C19orf47: variants seen among roughly 807,000 people sequenced by gnomAD.
C19orf47 encodes the protein chromosome 19 open reading frame 47, also known as uncharacterized protein C19orf47.
Under a neutral mutation model 32.3 loss-of-function variants are expected in C19orf47, and 18 were observed. The ratio of observed to expected loss-of-function variants is 0.56; its 90% CI spans 0.39 to 0.83. The LOEUF (loss-of-function observed/expected upper bound fraction) is 0.83, where lower values mean the gene tolerates loss of function less well. C19orf47 is among the 40% of genes least tolerant of loss of function. C19orf47 has a pLI of 0.00. For synonymous variants in C19orf47, 202 were observed against 211.1 expected (o/e 0.96, Z 0.37); for missense variants, 484 against 531.6 (o/e 0.91, Z 0.88).
intron 1 of C19orf47, chr19:40,343,742 T>G (rs774339882): frequency 7.9e-5 from 12 of 151,322 alleles, no homozygotes; most frequent in Non-Finnish European, 1.3e-4. Context: ...CATATGAGAC[T>G]CTCTTCTCTA....
chr19:40,327,133 C>T (rs536812039), intron 6 of C19orf47, among the ~76,000 whole-genome samples: 74 of 151,786 alleles, frequency 4.9e-4, no homozygotes, highest in Non-Finnish European at 8.5e-4. Flanking sequence ...CCTGCCTCAG[C>T]CTCCCAAGTA....
downstream of C19orf47, among the ~76,000 whole-genome samples, chr19:40,316,291 T>C (rs2077661408): frequency 6.6e-6 from 1 of 152,204 alleles, no homozygotes; most frequent in Non-Finnish European, 1.5e-5. Context: ...TAGTATCCAC[T>C]GATGTGGGCT....
At chr19:40,309,751 G>A in the C19orf47 span, among the ~76,000 whole-genome samples, 2 of 150,788 alleles carry the variant, frequency 1.3e-5, no homozygotes, top group South Asian at 4.2e-4. Context: ...TTTCCAATAA[G>A]GACACTAAAT....
the C19orf47 span, among the ~76,000 whole-genome samples, chr19:40,300,702 C>A: frequency 6.6e-6 from 1 of 152,138 alleles, no homozygotes; most frequent in African/African-American, 2.4e-5. Context: ...TCTCTAAAAG[C>A]ATTTGCAATC....
At chr19:40,347,091 G>A (rs60390254) in intron 1 of C19orf47, among the ~76,000 whole-genome samples, 1 of 152,160 alleles carries the variant, frequency 6.6e-6, no homozygotes, top group Admixed American at 6.5e-5. Flanking sequence ...GTTCTGAACA[G>A]TATCCCTATT....
intron 5 of C19orf47, among the ~76,000 whole-genome samples, chr19:40,330,092 C>T (rs950984877): frequency 1.3e-5 from 2 of 152,208 alleles, no homozygotes; most frequent in African/African-American, 4.8e-5. Context: ...TCCTGACAGA[C>T]ACATCATTCA....
At chr19:40,346,701 T>C (rs1471066338) in intron 1 of C19orf47, among the ~76,000 whole-genome samples, 2 of 151,460 alleles carry the variant, frequency 1.3e-5, no homozygotes, top group Non-Finnish European at 2.9e-5. Flanking sequence ...TAATTTTCTG[T>C]AGTTTTAGTA....
intron 5 of C19orf47, among the ~76,000 whole-genome samples, chr19:40,332,980 G>A (rs959845189): frequency 6.6e-6 from 1 of 151,954 alleles, no homozygotes; most frequent in African/African-American, 2.4e-5. Flanking sequence ...CCCCCTGGAC[G>A]GGAGCAGTGG....
At chr19:40,340,181 A>T (rs1166544855) in intron 2 of C19orf47, among the ~76,000 whole-genome samples, 1 of 151,958 alleles carries the variant, frequency 6.6e-6, no homozygotes, top group East Asian at 1.9e-4. Context: ...TATAATGTAC[A>T]TGCAAAAAAG....
rs781460839 is a variant in C19orf47 at position 40,322,275 on chromosome 19, G to C, written c.765C>G (p.Ala255=). ...CCCGTCCTAGCTTCTTCAGGACCCC[G>C]GCATACTGCAAGACAGAGCTGCTGC... The part of the protein sequence containing the change: ...NDSSSSVLQY[A]GVLKKLGRGP... The change falls in exon 9 of 9, where the codon GCC becomes GCG. Residue 255 remains alanine, a synonymous_variant. Transcript: ENST00000683109. 5.6e-6 allele frequency: 9 copies of C among 1,608,866 alleles called. No individual in the cohort carries two copies. Among genetic ancestry groups the C allele is most frequent in the Non-Finnish European group, 7.6e-6 (9 of 1,179,948 alleles).
chr19:40,341,580 T>C (rs945629692), intron 2 of C19orf47, among the ~76,000 whole-genome samples: 1 of 152,200 alleles, frequency 6.6e-6, no homozygotes, highest in Non-Finnish European at 1.5e-5. Flanking sequence ...ACCAAGGCTC[T>C]GTGAGGCCAC....
At chr19:40,332,378 C>T (rs1395477515) in intron 5 of C19orf47, 1 of 151,320 alleles carries the variant, frequency 6.6e-6, no homozygotes, top group Admixed American at 6.6e-5. Context: ...AGGTCAGGTG[C>T]AGTGGTGGCT....
the C19orf47 span, among the ~76,000 whole-genome samples, chr19:40,297,839 A>AT: frequency 1.4e-5 from 2 of 142,512 alleles, no homozygotes; most frequent in Non-Finnish European, 3.1e-5. Context: ...GTGCCACTGC[A>AT]TTCCAGGCCG....
chr19:40,324,430 A>C, intron 7 of C19orf47: 1 of 306,304 alleles, frequency 3.3e-6, no homozygotes, highest in East Asian at 5.7e-5. Flanking sequence ...TCCTCCCCTA[A>C]ATTATAACCT....
At chr19:40,302,663 A>G in the C19orf47 span, among the ~76,000 whole-genome samples, 2 of 152,200 alleles carry the variant, frequency 1.3e-5, no homozygotes, top group Non-Finnish European at 2.9e-5. Context: ...ATGTTTCAGA[A>G]GAAAACTATA....
the C19orf47 span, among the ~76,000 whole-genome samples, chr19:40,304,968 C>T: frequency 6.6e-6 from 1 of 152,094 alleles, no homozygotes; most frequent in African/African-American, 2.4e-5. Flanking sequence ...GTGGCTCATG[C>T]CTGTCATCCC....
the C19orf47 span, among the ~76,000 whole-genome samples, chr19:40,312,573 T>G: frequency 6.6e-6 from 1 of 151,238 alleles, no homozygotes; most frequent in African/African-American, 2.4e-5. Flanking sequence ...GCCATACAGT[T>G]TCCTCTGGCT....
chr19:40,324,398 G>C (rs1324818088), intron 7 of C19orf47: 2 of 393,882 alleles, frequency 5.1e-6, no homozygotes, highest in Non-Finnish European at 9.4e-6. Context: ...ACCTCTGAGA[G>C]AATCTGATGA....
At chr19:40,340,095 G>A (rs557045054) in intron 2 of C19orf47, among the ~76,000 whole-genome samples, 70 of 151,784 alleles carry the variant, frequency 4.6e-4, no homozygotes, top group African/African-American at 1.6e-3. Context: ...TAGGACTCTC[G>A]GGGGGCTGAC....
Sources: gnomAD v4.1 joint callset for allele counts (sites outside exome capture counted in the v4.1 genomes callset) on GRCh38, gnomAD v4.1.1 for gene constraint, MANE v1.5 for transcripts, NCBI Gene and HGNC (gene_info 2026-07-23, HGNC 2026-07-21) for gene names.